The following MARCHF6 variants were observed in gnomAD, a reference collection of about 807,000 sequenced individuals.
MARCHF6 encodes the protein membrane associated ring-CH-type finger 6, also known as E3 ubiquitin-protein ligase MARCHF6.
In MARCHF6, 31 loss-of-function variants were observed where a neutral mutation model predicts 133.7. The ratio of observed to expected loss-of-function variants is 0.23; its 90% confidence interval spans 0.17 to 0.31. MARCHF6 has a LOEUF of 0.31. MARCHF6 is among the 10% of genes least tolerant of loss of function. The pLI, the probability that MARCHF6 is intolerant of heterozygous loss-of-function variation, is 1.00. For synonymous variants in MARCHF6, 395 were observed against 402.5 expected (o/e 0.98, Z 0.22); for missense variants, 723 against 1,121.6 (o/e 0.64, Z 5.08).
At chr5:10,376,654 C>T (rs1451697323) in intron 1 of MARCHF6, among the ~76,000 whole-genome samples, 2 of 152,164 alleles carry the variant, frequency 1.3e-5, no homozygotes, top group African/African-American at 4.8e-5. Flanking sequence ...CTGGATTGCC[C>T]AGCTGGTTAG....
chr5:10,414,094 G>A (rs953489582), intron 19 of MARCHF6, among the ~76,000 whole-genome samples: 3 of 152,054 alleles, frequency 2.0e-5, no homozygotes, highest in Non-Finnish European at 4.4e-5. Flanking sequence ...TAATTGGATA[G>A]CACTGTTATT....
Position 10,413,187 on chromosome 5 carries a change from C to A in MARCHF6, c.1897-1246C>A, listed in dbSNP as rs535256789. 2.0e-5 allele frequency: 3 copies of A among 152,362 alleles called. No homozygotes were observed. In the South Asian group the frequency reaches 6.2e-4, roughly 32 times the overall value. The allele number at this position is 152,362 out of a possible 1,614,324, so 9.4% of individuals were successfully genotyped here. A position where few individuals can be genotyped will look rare whatever the true frequency, so the allele number is the denominator to read the frequency against. On this transcript the variant is annotated intron_variant, in intron 19 of 25. Transcript: ENST00000274140. ...ACCTTGAGGAAAGCATGAAGGTCAT[C>A]TTTTCCTTTATCTCTTAATAGCAGA...
At chr5:10,376,719 A>G (rs1251921192) in intron 1 of MARCHF6, among the ~76,000 whole-genome samples, 1 of 152,196 alleles carries the variant, frequency 6.6e-6, no homozygotes, top group Non-Finnish European at 1.5e-5. Flanking sequence ...CACTCACAGA[A>G]GAGTAGCCAC....
intron 3 of MARCHF6, among the ~76,000 whole-genome samples, chr5:10,379,541 A>G (rs1736999485): frequency 6.6e-6 from 1 of 152,004 alleles, no homozygotes; most frequent in African/African-American, 2.4e-5. Context: ...GCTCACTGCA[A>G]GCTCCGCCTC....
At chr5:10,378,907 T>A in intron 3 of MARCHF6, 75 bp downstream of exon 3, 1 of 915,990 alleles carries the variant, frequency 1.1e-6, no homozygotes, top group South Asian at 1.5e-5. Flanking sequence ...ATATGATCAG[T>A]TGACAGAGGA....
chr5:10,394,738 T>G lies in MARCHF6; in HGVS notation c.829-15T>G. On this transcript the variant is annotated splice_polypyrimidine_tract_variant and intron_variant, in intron 8 of 25. Transcript: ENST00000274140. Reference sequence around the variant, plus strand: ...TGCATCTTAAATTAATGCTTATCGTTTTTGTTTATTTTAGATGCTAGGACT... The same window carrying G: ...TGCATCTTAAATTAATGCTTATCGTGTTTGTTTATTTTAGATGCTAGGACT... The G allele has an allele frequency of 6.4e-7, 1 of 1,572,624 alleles. No individual in the cohort carries two copies. The highest frequency in any genetic ancestry group is 8.7e-7 in the Non-Finnish European group (1 of 1,150,722).
intron 1 of MARCHF6, 53 bp downstream of exon 1, chr5:10,353,970 A>T: frequency 6.6e-7 from 1 of 1,517,098 alleles, no homozygotes; most frequent in Non-Finnish European, 8.8e-7. Context: ...CCGGGTTCGT[A>T]CCCCGGCCAG....
intron 9 of MARCHF6, among the ~76,000 whole-genome samples, chr5:10,396,246 G>A (rs1738182654): frequency 1.3e-5 from 2 of 152,150 alleles, no homozygotes. Context: ...ATGTAAACAA[G>A]GAATGTTTTG....
chr5:10,371,665 G>T (rs1414468927), intron 1 of MARCHF6, among the ~76,000 whole-genome samples: 1 of 152,170 alleles, frequency 6.6e-6, no homozygotes. Flanking sequence ...GATGAGATTT[G>T]GGTGGGGACA....
chr5:10,400,613 A>G (rs1358520010), intron 10 of MARCHF6, among the ~76,000 whole-genome samples, 171 bp from the exon 11 acceptor site: 1 of 152,090 alleles, frequency 6.6e-6, no homozygotes, highest in Non-Finnish European at 1.5e-5. Context: ...AGACCTTAAT[A>G]GCTTTGTTGT....
At position 10,435,625 on chromosome 5, in the gene MARCHF6, A is replaced by G. The variant is rs1405786724; in HGVS notation, c.*1941A>G. On this transcript the variant is annotated 3_prime_UTR_variant, in exon 26 of 26. Coordinates refer to ENST00000274140, the MANE Select transcript of MARCHF6 (RefSeq NM_005885.4). ...TTATTATTGAATTGAGCATATAACT[A>G]TATAACTATATAACTATATATATAT... is the stretch of plus-strand genomic sequence containing the variant. 2 of 1,178 alleles carry G rather than the reference A, an allele frequency of 1.7e-3. No individual in the cohort carries two copies. Among genetic ancestry groups the G allele is most frequent in the Non-Finnish European group, 2.7e-3 (1 of 372 alleles). The allele number at this position is 1,178 out of a possible 1,614,324, so 0.1% of individuals were successfully genotyped here.
At chr5:10,382,018 C>A in intron 4 of MARCHF6, 75 bp downstream of exon 4, 1 of 1,345,866 alleles carries the variant, frequency 7.4e-7, no homozygotes, top group Non-Finnish European at 1.0e-6. Context: ...AATATTGCAT[C>A]ATATTATTAT....
chr5:10,354,169 CG>C (rs1579504377), intron 1 of MARCHF6, among the ~76,000 whole-genome samples: 1 of 152,052 alleles, frequency 6.6e-6, no homozygotes, highest in East Asian at 1.9e-4. Flanking sequence ...GTCGGGGCCT[CG>C]GGGCTACTGC....
intron 16 of MARCHF6, 103 bp from the exon 17 acceptor site, chr5:10,406,999 C>T (rs1156582527): frequency 1.1e-5 from 6 of 543,082 alleles, no homozygotes; most frequent in Non-Finnish European, 2.0e-5. Flanking sequence ...TGAGTAGACA[C>T]AGGCCTGGAC....
intron 24 of MARCHF6, 27 bp downstream of exon 24, chr5:10,426,549 G>C (rs757516760): frequency 6.2e-7 from 1 of 1,611,106 alleles, no homozygotes; most frequent in South Asian, 1.1e-5. Flanking sequence ...GTGGAGCCTT[G>C]AAGGAGCACT....
rs199618214 is a variant in MARCHF6 at position 10,381,773 on chromosome 5, C to T, written c.191-27C>T. The T allele has an allele frequency of 1.6e-4, 244 of 1,545,486 alleles. 1 individual carries two copies. The highest frequency in any genetic ancestry group is 2.8e-4 in the Admixed American group (13 of 46,502). On this transcript the variant is annotated intron_variant, in intron 3 of 25. Coordinates refer to ENST00000274140, the MANE Select transcript of MARCHF6 (RefSeq NM_005885.4). ...AAGCTATTTTCGAATCTTCATGAAA[C>T]TGTAAGTACTTTTTTTCCGCTTATA...
chr5:10,391,464 T>TTTTTGG, intron 6 of MARCHF6, 78 bp from the exon 7 acceptor site: 1 of 431,754 alleles, frequency 2.3e-6, no homozygotes. Flanking sequence ...TTTTTTTTTT[T>TTTTTGG]AGCAGGAATA....
chr5:10,387,550 G>A (rs1473973955), intron 5 of MARCHF6, among the ~76,000 whole-genome samples: 3 of 152,114 alleles, frequency 2.0e-5, no homozygotes, highest in Non-Finnish European at 2.9e-5. Context: ...TGATCCACCC[G>A]CTTCGGGCTC....
chr5:10,354,042 C>T (rs1735277337), intron 1 of MARCHF6, 125 bp downstream of exon 1: 4 of 976,602 alleles, frequency 4.1e-6, no homozygotes, highest in Admixed American at 3.9e-5. Context: ...GCCGTTTGTC[C>T]ACCCGCTGGG....
Sources: gnomAD v4.1 joint callset for allele counts (sites outside exome capture counted in the v4.1 genomes callset) on GRCh38, gnomAD v4.1.1 for gene constraint, MANE v1.5 for transcripts, NCBI Gene and HGNC (gene_info 2026-07-23, HGNC 2026-07-21) for gene names.